Variants in GYS2 observed in about 807,000 individuals in gnomAD.
GYS2 encodes glycogen [starch] synthase, liver.
A neutral mutation model predicts 85.6 loss-of-function variants in GYS2; 80 were observed. That is an observed-to-expected ratio of 0.93 (90% CI 0.78 to 1.13). The LOEUF (loss-of-function observed/expected upper bound fraction) is 1.13, where lower values mean the gene tolerates loss of function less well. GYS2 is among the 50% of genes most tolerant of loss of function. GYS2 has a pLI of 0.00. For synonymous variants in GYS2, 328 were observed against 300.7 expected (o/e 1.09, Z -0.94); for missense variants, 881 against 854.9 (o/e 1.03, Z -0.38).
rs201650590 is a variant in GYS2, at chr12:21,542,544, C to T, written c.1597G>A (p.Gly533Arg). Reference protein sequence around the residue: ...GIPSVTTNLSGFGCFMQEHVA... With the variant: ...GIPSVTTNLSRFGCFMQEHVA... Reference sequence around the variant, plus strand: ...TGCTCCTGCATGAAACAGCCAAACCCGGAGAGATTCGTGGTCACACTGGGG... The same window carrying T: ...TGCTCCTGCATGAAACAGCCAAACCTGGAGAGATTCGTGGTCACACTGGGG... The change falls in exon 13 of 16, where the codon GGG becomes AGG. Residue 533 changes from glycine (G) to arginine (R), a missense_variant. Physicochemically the swap from Gly to Arg is moderately radical, Grantham distance 125. Coordinates refer to ENST00000261195, the MANE Select transcript of GYS2 (RefSeq NM_021957.4). 11 of 1,613,676 alleles carry T rather than the reference C, an allele frequency of 6.8e-6. No individual in the cohort carries two copies. The highest frequency in any genetic ancestry group is 3.3e-5 in the Admixed American group (2 of 59,984).
chr12:21,554,599 C>T (rs11046113), intron 11 of GYS2, among the ~76,000 whole-genome samples: 75,359 of 152,060 alleles, frequency 0.5, 21,751 homozygotes, highest in East Asian at 0.74. Flanking sequence ...ACTCCTATAA[C>T]TATAGCAGAT....
downstream of GYS2, among the ~76,000 whole-genome samples, chr12:21,535,403 T>A (rs1943901538): frequency 6.6e-6 from 1 of 152,294 alleles, no homozygotes; most frequent in East Asian, 1.9e-4. Context: ...GTCCTTCTCA[T>A]ATTTTTTCTA....
At chr12:21,585,753 T>G (rs1944565653) in intron 1 of GYS2, among the ~76,000 whole-genome samples, 1 of 152,222 alleles carries the variant, frequency 6.6e-6, no homozygotes, top group Non-Finnish European at 1.5e-5. Context: ...CTGTATACAC[T>G]TGTACTAAGA....
intron 11 of GYS2, among the ~76,000 whole-genome samples, chr12:21,554,858 A>C (rs11046114): frequency 0.75 from 113,479 of 152,060 alleles, 42,606 homozygotes; most frequent in South Asian, 0.8. Flanking sequence ...ACTGATGCAA[A>C]ACACTTTTAA....
chr12:21,560,295 C>T, intron 8 of GYS2, 91 bp downstream of exon 8: 2 of 788,338 alleles, frequency 2.5e-6, no homozygotes, highest in Non-Finnish European at 4.6e-6. Context: ...AAGGAAAAAA[C>T]AAAGTTCAAG....
In GYS2 at chr12:21,575,994, A is replaced by G; in HGVS notation, c.367T>C (p.Ser123Pro). The change falls in exon 3 of 16, where the codon TCA becomes CCA. Residue 123 changes from serine (S) to proline (P), a missense_variant. Coordinates refer to ENST00000261195, the MANE Select transcript of GYS2 (RefSeq NM_021957.4). Reference sequence around the variant, plus strand: ...TTCCACCTGTCCAGATTCCAAGCTGAATAGCCTATGTCAAAAAGTACCACA... The same window carrying G: ...TTCCACCTGTCCAGATTCCAAGCTGGATAGCCTATGTCAAAAAGTACCACA... ...PYVVLFDIGY[S>P]AWNLDRWKGD... 1 of 1,613,924 alleles carries G rather than the reference A, an allele frequency of 6.2e-7. No individual in the cohort carries two copies. The highest frequency in any genetic ancestry group is 8.5e-7 in the Non-Finnish European group (1 of 1,179,868).
intron 1 of GYS2, among the ~76,000 whole-genome samples, chr12:21,603,156 G>A (rs1944772157): frequency 6.6e-6 from 1 of 152,098 alleles, no homozygotes; most frequent in Admixed American, 6.5e-5. Flanking sequence ...AAAGATCTCT[G>A]AGGAAAAGAA....
chr12:21,602,283 G>A (rs1323096891), intron 1 of GYS2, among the ~76,000 whole-genome samples: 3 of 151,940 alleles, frequency 2.0e-5, no homozygotes, highest in African/African-American at 7.3e-5. Context: ...AAAGTGAATT[G>A]GCCTTGGAAA....
chr12:21,552,313 C>T (rs1342722690), intron 11 of GYS2, among the ~76,000 whole-genome samples: 1 of 152,214 alleles, frequency 6.6e-6, no homozygotes, highest in Middle Eastern at 3.2e-3. Context: ...CTGGGCTTTC[C>T]TCACCACACT....
chr12:21,604,118 A>G (rs930364927), intron 1 of GYS2, among the ~76,000 whole-genome samples: 1 of 152,152 alleles, frequency 6.6e-6, no homozygotes, highest in African/African-American at 2.4e-5. Flanking sequence ...TTCCTAAAAT[A>G]AAATGTTTAA....
At chr12:21,583,140 G>T (rs1443725139) in intron 1 of GYS2, among the ~76,000 whole-genome samples, 1 of 152,156 alleles carries the variant, frequency 6.6e-6, no homozygotes, top group Non-Finnish European at 1.5e-5. Context: ...ATGACATGCT[G>T]ACTGGAACTA....
chr12:21,556,188 G>GT (rs1944176998), intron 11 of GYS2, among the ~76,000 whole-genome samples: 1 of 151,764 alleles, frequency 6.6e-6, no homozygotes, highest in Non-Finnish European at 1.5e-5. Context: ...TTGTTTTTGT[G>GT]TTTTTTGTGA....
chr12:21,590,547 G>A (rs895728171), intron 1 of GYS2, among the ~76,000 whole-genome samples: 8 of 152,132 alleles, frequency 5.3e-5, no homozygotes, highest in Admixed American at 4.6e-4. Context: ...GGAGCCAGAG[G>A]GTTGTCCTGC....
rs1943909255 is a variant in GYS2, at chr12:21,536,254, A to G, written c.*700T>C. The G allele has an allele frequency of 6.6e-6, 1 of 152,274 alleles. No individual in the cohort carries two copies. Among genetic ancestry groups the G allele is most frequent in the Non-Finnish European group, 1.5e-5 (1 of 68,078 alleles). The allele number at this position is 152,274 out of a possible 1,614,324, so 9.4% of individuals were successfully genotyped here. On this transcript the variant is annotated 3_prime_UTR_variant, in exon 16 of 16. Transcript: ENST00000261195. ...TACAAGTTATCATCTATGAAGATTG[A>G]CCAAATTTTAAAAAGGCTTTCTATT... is the stretch of plus-strand genomic sequence containing the variant.
At chr12:21,595,326 C>A (rs913719839) in intron 1 of GYS2, among the ~76,000 whole-genome samples, 3 of 152,180 alleles carry the variant, frequency 2.0e-5, no homozygotes, top group African/African-American at 2.4e-5. Flanking sequence ...AGGAGACACC[C>A]CAAATACTGT....
At chr12:21,586,187 T>C (rs1181231010) in intron 1 of GYS2, among the ~76,000 whole-genome samples, 2 of 151,650 alleles carry the variant, frequency 1.3e-5, no homozygotes, top group Non-Finnish European at 3.0e-5. Context: ...GTGGCCAGGA[T>C]ATAAAGCAGG....
chr12:21,568,959 G>T lies in GYS2; in HGVS notation c.729C>A (p.Cys243Ter), dbSNP rs761049603. The T allele has an allele frequency of 4.3e-6, 7 of 1,613,542 alleles. No individual in the cohort carries two copies. Among genetic ancestry groups the T allele is most frequent in the Non-Finnish European group, 5.9e-6 (7 of 1,179,586 alleles). The part of the protein sequence containing the change: ...AGERQIYHRY[C>*]MERASVHCAH... The stretch of plus-strand genomic sequence containing the variant: ...CGCAATGAACGGAAGCTCGCTCCAT[G>T]CAGTACCGGTGGTAAATCTGCCTTT... The change falls in exon 5 of 16, where the codon TGC becomes TGA. Residue 243 changes from cysteine to a stop codon, truncating the protein, a stop_gained. Transcript: ENST00000261195. LOFTEE classifies it high-confidence loss of function.
At chr12:21,572,989 C>T (rs961376697) in intron 4 of GYS2, among the ~76,000 whole-genome samples, 4 of 152,258 alleles carry the variant, frequency 2.6e-5, no homozygotes, top group Admixed American at 6.5e-5. Flanking sequence ...TACTATATAC[C>T]GCTAAGAACC....
In GYS2 at chr12:21,560,537, T is replaced by C. The variant is rs1591790879; in HGVS notation, c.1063-45A>G. 7 of 913,906 alleles carry C rather than the reference T, an allele frequency of 7.7e-6. No individual in the cohort carries two copies. The East Asian group carries it at 1.7e-4, about 22-fold the overall frequency. The allele number at this position is 913,906 out of a possible 1,614,324, so 56.6% of individuals were successfully genotyped here. A position where few individuals can be genotyped will look rare whatever the true frequency, so the allele number is the denominator to read the frequency against. ...CACAGAGTCAACTATCAAAGATTTTTAAAAAGTATGATAGATGGAACTTAA... is the reference window on the plus strand; with the variant it reads ...CACAGAGTCAACTATCAAAGATTTTCAAAAAGTATGATAGATGGAACTTAA... On this transcript the variant is annotated intron_variant, in intron 7 of 15. Coordinates refer to ENST00000261195, the MANE Select transcript of GYS2 (RefSeq NM_021957.4).
Sources: allele counts gnomAD v4.1 joint callset (sites outside exome capture counted in the v4.1 genomes callset), GRCh38; gene constraint gnomAD v4.1.1; transcripts MANE v1.5; gene names NCBI Gene and HGNC (gene_info 2026-07-23, HGNC 2026-07-21).